The following SPAG16 variants were observed in gnomAD, a reference collection of about 807,000 sequenced individuals.
SPAG16 encodes the protein sperm-associated antigen 16 protein.
A neutral mutation model predicts 80.4 loss-of-function variants in SPAG16; 86 were observed. The ratio of observed to expected loss-of-function variants is 1.07; its 90% CI spans 0.90 to 1.28. The LOEUF (loss-of-function observed/expected upper bound fraction) is 1.28, where lower values mean the gene tolerates loss of function less well. Among genes scored for constraint, SPAG16 ranks in the 50% most tolerant of loss-of-function variants. SPAG16 has a pLI of 0.00. For synonymous variants in SPAG16, 294 were observed against 265.9 expected, an observed-to-expected ratio of 1.11 and a Z score of -1.03; for missense variants, 870 against 765.3, an observed-to-expected ratio of 1.14 and a Z score of -1.61.
At chr2:214,335,162 G>T (rs1441890709) in intron 15 of SPAG16, among the ~76,000 whole-genome samples, 1 of 152,096 alleles carries the variant, frequency 6.6e-6, no homozygotes, top group African/African-American at 2.4e-5. Flanking sequence ...ATGTGACCAG[G>T]TCCTGTACCC....
rs562916390 is a variant in SPAG16, at chr2:214,095,280, T to C, written c.1528-12916T>C. On this transcript the variant is annotated intron_variant, in intron 13 of 15. Transcript: ENST00000331683. ...TCTTTTTTCCCTAGCTCATCACATA[T>C]AACAGAGAAAGCAGACACACACAGA... is the stretch of plus-strand genomic sequence containing the variant. Among the ~76,000 whole-genome samples, 5 of 152,172 alleles carry C rather than the reference T, an allele frequency of 3.3e-5. No individual in the cohort carries two copies. In the East Asian group the frequency reaches 9.7e-4, roughly 29 times the overall value.
chr2:213,828,449 A>T (rs1163694073), intron 10 of SPAG16, among the ~76,000 whole-genome samples: 1 of 152,054 alleles, frequency 6.6e-6, no homozygotes, highest in Non-Finnish European at 1.5e-5. Context: ...AAATTTCTTG[A>T]GTTTCATCAC....
At chr2:213,937,316 T>C (rs1043307745) in intron 12 of SPAG16, among the ~76,000 whole-genome samples, 2 of 152,114 alleles carry the variant, frequency 1.3e-5, no homozygotes, top group Admixed American at 6.5e-5. Context: ...GGTACATTAA[T>C]ACCTGTCTTA....
chr2:213,613,979 G>A (rs1559310424), intron 10 of SPAG16, among the ~76,000 whole-genome samples: 1 of 152,202 alleles, frequency 6.6e-6, no homozygotes, highest in Non-Finnish European at 1.5e-5. Flanking sequence ...ACACAGTGTG[G>A]TCAGGGAGCA....
chr2:213,888,542 T>C (rs2076658385), intron 11 of SPAG16, among the ~76,000 whole-genome samples: 1 of 151,586 alleles, frequency 6.6e-6, no homozygotes, highest in Admixed American at 6.6e-5. Flanking sequence ...AAATATGTTA[T>C]ATATTATACA....
chr2:214,142,436 T>C (rs900044258), intron 14 of SPAG16, among the ~76,000 whole-genome samples: 2 of 152,220 alleles, frequency 1.3e-5, no homozygotes, highest in East Asian at 1.9e-4. Context: ...TTGCATGTTA[T>C]GGAAAATTTT....
At chr2:214,253,499 T>A (rs1690453455) in intron 15 of SPAG16, among the ~76,000 whole-genome samples, 1 of 152,096 alleles carries the variant, frequency 6.6e-6, no homozygotes. Flanking sequence ...AAGAAACGGG[T>A]CCAGTTTCAT....
chr2:213,624,069 CTCTTTA>C (rs2061875290), intron 10 of SPAG16, among the ~76,000 whole-genome samples: 5 of 151,946 alleles, frequency 3.3e-5, no homozygotes, highest in Admixed American at 6.6e-5. Flanking sequence ...AAATGCTTTT[CTCTTTA>C]TCTTTATTTT....
chr2:213,713,645 G>A (rs2066104365), intron 10 of SPAG16, among the ~76,000 whole-genome samples: 1 of 152,172 alleles, frequency 6.6e-6, no homozygotes, highest in Non-Finnish European at 1.5e-5. Flanking sequence ...ATCCCACACA[G>A]AGGACTCAAG....
Position 214,410,475 on chromosome 2 carries a change from A to C in SPAG16, c.*160A>C. Reference sequence around the variant, plus strand: ...CATATATTTTAGTGCTCATACTGTTACTAATAAAAAAATAACTTTATGCTC... The same window carrying C: ...CATATATTTTAGTGCTCATACTGTTCCTAATAAAAAAATAACTTTATGCTC... On this transcript the variant is annotated 3_prime_UTR_variant, in exon 16 of 16. Coordinates refer to ENST00000331683, the MANE Select transcript of SPAG16 (RefSeq NM_024532.5). 1 of 539,534 alleles carries C rather than the reference A, an allele frequency of 1.9e-6. No individual in the cohort carries two copies. Among genetic ancestry groups the C allele is most frequent in the Non-Finnish European group, 3.0e-6 (1 of 332,756 alleles). The allele number at this position is 539,534 out of a possible 1,614,324, so 33.4% of individuals were successfully genotyped here. A position where few individuals can be genotyped will look rare whatever the true frequency, so the allele number is the denominator to read the frequency against.
At chr2:213,519,222 C>T (rs1027615465) in intron 10 of SPAG16, among the ~76,000 whole-genome samples, 8 of 152,104 alleles carry the variant, frequency 5.3e-5, no homozygotes, top group African/African-American at 1.9e-4. Flanking sequence ...TGAATAGAAA[C>T]CTTAAAATTT....
In SPAG16 at chr2:214,251,919, T is replaced by G. The variant is rs1204173660; in HGVS notation, c.1720+102653T>G. 4.6e-5 allele frequency among the ~76,000 whole-genome samples: 7 copies of G among 152,172 alleles called. No homozygotes were observed. In the East Asian group the frequency reaches 1.2e-3, roughly 25 times the overall value. The stretch of plus-strand genomic sequence containing the variant: ...CACTGATAAAGTAGTAGAATGCCTT[T>G]AGTTTGTTTCCTTTTAAATTCTGAG... On this transcript the variant is annotated intron_variant, in intron 15 of 15. Transcript: ENST00000331683.
intron 10 of SPAG16, among the ~76,000 whole-genome samples, chr2:213,830,899 AG>A (rs1366643017): frequency 2.6e-5 from 4 of 152,038 alleles, no homozygotes; most frequent in African/African-American, 9.7e-5. Context: ...GTGTTTTCTG[AG>A]GTTTTGAATA....
intron 11 of SPAG16, among the ~76,000 whole-genome samples, chr2:213,876,483 G>A (rs1311427652): frequency 6.6e-6 from 1 of 152,020 alleles, no homozygotes; most frequent in East Asian, 1.9e-4. Context: ...TGTGGAGAAA[G>A]GAATAAGTCA....
At chr2:214,056,224 C>G (rs1452423381) in intron 13 of SPAG16, among the ~76,000 whole-genome samples, 1 of 151,230 alleles carries the variant, frequency 6.6e-6, no homozygotes, top group East Asian at 1.9e-4. Flanking sequence ...ATCCTTTATT[C>G]AAGCCTGGTT....
chr2:213,935,342 C>T (rs2078943968), intron 12 of SPAG16, among the ~76,000 whole-genome samples: 1 of 152,014 alleles, frequency 6.6e-6, no homozygotes, highest in Non-Finnish European at 1.5e-5. Flanking sequence ...TCCCTCATGA[C>T]ATATTATTAA....
chr2:213,814,810 AT>A (rs1174475466), intron 10 of SPAG16, among the ~76,000 whole-genome samples: 10 of 151,806 alleles, frequency 6.6e-5, no homozygotes, highest in Non-Finnish European at 1.2e-4. Flanking sequence ...AATAATAATA[AT>A]AAAGAGGGAC....
chr2:213,433,814 AC>A (rs2070448770), intron 9 of SPAG16, among the ~76,000 whole-genome samples: 1 of 152,042 alleles, frequency 6.6e-6, no homozygotes, highest in African/African-American at 2.4e-5. Context: ...AAAGAATAAA[AC>A]TGGAGGTACT....
Position 213,422,620 on chromosome 2 carries a change from G to A in SPAG16, c.942+47501G>A, listed in dbSNP as rs1388677675. The A allele has an allele frequency of 9.3e-6, 3 of 324,148 alleles. No individual in the cohort carries two copies. The East Asian group carries it at 1.6e-4, about 17-fold the overall frequency. 20.1% of individuals were successfully genotyped at this position (324,148 alleles called of 1,614,324 possible). A position where few individuals can be genotyped will look rare whatever the true frequency, so the allele number is the denominator to read the frequency against. ...TCTGGCTGGAAAAGTGACACCCTAG[G>A]GATCCTGTGACAGTATCAGAGTTCC... On this transcript the variant is annotated intron_variant, in intron 9 of 15. Transcript: ENST00000331683.
Sources: allele counts gnomAD v4.1 joint callset (sites outside exome capture counted in the v4.1 genomes callset), GRCh38; gene constraint gnomAD v4.1.1; transcripts MANE v1.5; gene names NCBI Gene and HGNC (gene_info 2026-07-23, HGNC 2026-07-21).